STAM2: variants seen among roughly 807,000 people sequenced by gnomAD.
STAM2 encodes the protein signal transducing adapter molecule 2.
In STAM2, 51 loss-of-function variants were observed where a neutral mutation model predicts 65.6. The observed-to-expected ratio is 0.78, with a 90% confidence interval of 0.62 to 0.98. The LOEUF is 0.98. Ranked by LOEUF, STAM2 falls within the 50% of genes least tolerant of loss-of-function variation. The pLI is 0.00. For synonymous variants in STAM2, 198 were observed against 208.4 expected (o/e 0.95, Z 0.43); for missense variants, 584 against 617.8 (o/e 0.95, Z 0.58).
chr2:152,162,423 T>A (rs900601446), intron 1 of STAM2, among the ~76,000 whole-genome samples: 1 of 151,098 alleles, frequency 6.6e-6, no homozygotes, highest in Non-Finnish European at 1.5e-5. Flanking sequence ...AAAAAAAAAA[T>A]TGAAATAGTA....
chr2:152,122,541 CA>C (rs572508394), intron 13 of STAM2, among the ~76,000 whole-genome samples: 138 of 152,090 alleles, frequency 9.1e-4, no homozygotes, highest in African/African-American at 1.6e-3. Flanking sequence ...CTAGTGTTAC[CA>C]AACATAGCAA....
chr2:152,165,548 T>G (rs1165029042), intron 1 of STAM2, among the ~76,000 whole-genome samples: 1 of 152,168 alleles, frequency 6.6e-6, no homozygotes, highest in African/African-American at 2.4e-5. Context: ...AAAACCATTA[T>G]GCACACTCCG....
intron 7 of STAM2, among the ~76,000 whole-genome samples, chr2:152,140,361 A>C (rs1398234066): frequency 6.6e-6 from 1 of 152,270 alleles, no homozygotes; most frequent in Non-Finnish European, 1.5e-5. Flanking sequence ...ACTCTGAGAT[A>C]AAACAAAAAA....
chr2:152,141,576 TG>T (rs1307377080), intron 7 of STAM2, among the ~76,000 whole-genome samples: 1 of 151,124 alleles, frequency 6.6e-6, no homozygotes, highest in Non-Finnish European at 1.5e-5. Context: ...ATCAGCTCAA[TG>T]TTTTTTTGTT....
At position 152,126,300 on chromosome 2, in the gene STAM2, G is replaced by A. The variant is rs139681962; in HGVS notation, c.1105C>T (p.Pro369Ser). ...AGCTTTGAATAGACTGAGTACACTG[G>A]TGCTTCATTCACCAATTTGTTATAT... The part of the protein sequence containing the change: ...ELYNKLVNEA[P>S]VYSVYSKLHP... The change falls in exon 12 of 14, where the codon CCA becomes TCA. Residue 369 changes from proline to serine, a missense_variant. Pro to Ser is a moderately conservative substitution (Grantham distance 74). Transcript: ENST00000263904. The A allele has an allele frequency of 4.7e-5, 76 of 1,608,270 alleles. No individual in the cohort carries two copies. The African/African-American group carries it at 8.6e-4, about 18-fold the overall frequency.
intron 1 of STAM2, among the ~76,000 whole-genome samples, chr2:152,171,652 G>C (rs1689900710): frequency 6.6e-6 from 1 of 152,208 alleles, no homozygotes; most frequent in Non-Finnish European, 1.5e-5. Flanking sequence ...GCAAAAGTCA[G>C]AAACACAGCA....
rs1690008782 is a variant in STAM2, at chr2:152,175,718, C to T, written c.-76G>A. 4 of 1,506,966 alleles carry T rather than the reference C, an allele frequency of 2.7e-6. No homozygotes were observed. In the African/African-American group the frequency reaches 4.1e-5, roughly 16 times the overall value. 93.3% of individuals were successfully genotyped at this position (1,506,966 alleles called of 1,614,324 possible). A position where few individuals can be genotyped will look rare whatever the true frequency, so the allele number is the denominator to read the frequency against. On this transcript the variant is annotated 5_prime_UTR_variant, in exon 1 of 14. Transcript: ENST00000263904. ...CTGCTACCCGCCGGGTGACCCGCGG[C>T]CGCGGCTCCCTAGACCGCTCCGCTT...
At chr2:152,142,145 A>G (rs955539684) in intron 7 of STAM2, among the ~76,000 whole-genome samples, 1 of 152,218 alleles carries the variant, frequency 6.6e-6, no homozygotes, top group Non-Finnish European at 1.5e-5. Context: ...CAGCAACTAT[A>G]AAAGTAGGGT....
At chr2:152,132,382 G>A (rs1378940413) in intron 10 of STAM2, among the ~76,000 whole-genome samples, 1 of 152,118 alleles carries the variant, frequency 6.6e-6, no homozygotes, top group Non-Finnish European at 1.5e-5. Context: ...ACCTCATTAT[G>A]TTTTCTTGAA....
rs761285376 is a variant in STAM2 at position 152,122,072 on chromosome 2, ATATATGTG to A, written c.1350-1278_1350-1271del. Among the ~76,000 whole-genome samples, 281 of 108,290 alleles carry A rather than the reference ATATATGTG, an allele frequency of 2.6e-3. 3 individuals are homozygous for A. The highest frequency in any genetic ancestry group is 7.4e-3 in the South Asian group (28 of 3,786). The allele number at this position is 108,290 out of a possible 152,430, so 71.0% of individuals were successfully genotyped here. On this transcript the variant is annotated intron_variant, in intron 13 of 13. Transcript: ENST00000263904. ...CCAAAAAAAAAATATATATATATAT[ATATATGTG>A]TGTGTGTGTGTGTGTGTGTGTGTGT...
intron 5 of STAM2, among the ~76,000 whole-genome samples, chr2:152,146,170 C>T (rs940894472): frequency 2.0e-5 from 3 of 148,250 alleles, no homozygotes; most frequent in Admixed American, 7.0e-5. Flanking sequence ...ACTCTAAAGG[C>T]GGAGGCAGGA....
chr2:152,118,016 TC>T lies in STAM2; in HGVS notation c.*2557del, dbSNP rs878931792. 3 of 152,248 alleles carry T rather than the reference TC, an allele frequency of 2.0e-5. No individual in the cohort carries two copies. The South Asian group carries it at 6.2e-4, about 32-fold the overall frequency. 9.4% of individuals were successfully genotyped at this position (152,248 alleles called of 1,614,324 possible). On this transcript the variant is annotated 3_prime_UTR_variant, in exon 14 of 14. Transcript: ENST00000263904. ...AAACTATAAGAATATATCCCACACT[TC>T]ATATATTTTAACACCCTGGGGTATT...
At chr2:152,128,417 TA>T (rs201586468) in intron 11 of STAM2, among the ~76,000 whole-genome samples, 829 of 138,812 alleles carry the variant, frequency 6.0e-3, no homozygotes, top group African/African-American at 0.012. Context: ...TGTCTCAAAT[TA>T]AAAAAAAAAA....
chr2:152,152,408 G>T (rs1023744314), intron 1 of STAM2, among the ~76,000 whole-genome samples: 1 of 152,038 alleles, frequency 6.6e-6, no homozygotes, highest in Non-Finnish European at 1.5e-5. Flanking sequence ...AATTACCCGG[G>T]TGTGGTGGCA....
At chr2:152,171,152 G>C (rs543410555) in intron 1 of STAM2, among the ~76,000 whole-genome samples, 1 of 151,958 alleles carries the variant, frequency 6.6e-6, no homozygotes, top group Non-Finnish European at 1.5e-5. Context: ...TGTTTAACTC[G>C]GAGAAAGGAG....
At chr2:152,172,639 C>A (rs957722980) in intron 1 of STAM2, among the ~76,000 whole-genome samples, 7 of 151,904 alleles carry the variant, frequency 4.6e-5, no homozygotes, top group Non-Finnish European at 7.4e-5. Flanking sequence ...GAGGCCGAGG[C>A]GGGCAGATCA....
rs144676453 is a variant in STAM2, at chr2:152,120,254, T to A, written c.*320A>T. 4.6e-3 allele frequency: 957 copies of A among 209,544 alleles called. 13 individuals carry two copies. Among genetic ancestry groups the A allele is most frequent in the African/African-American group, 0.028 (905 of 32,860 alleles). 13.0% of individuals were successfully genotyped at this position (209,544 alleles called of 1,614,324 possible). Reference sequence around the variant, plus strand: ...CCTGGGTGACAGAGCGAGTTTGTCATAAGTATCTCATACTGTTTGTCATAA... The same window carrying A: ...CCTGGGTGACAGAGCGAGTTTGTCAAAAGTATCTCATACTGTTTGTCATAA... On this transcript the variant is annotated 3_prime_UTR_variant, in exon 14 of 14. Transcript: ENST00000263904.
At chr2:152,166,842 T>A (rs1247733690) in intron 1 of STAM2, among the ~76,000 whole-genome samples, 1 of 152,110 alleles carries the variant, frequency 6.6e-6, no homozygotes, top group Non-Finnish European at 1.5e-5. Context: ...CTGCTCCAGA[T>A]AAGAATAAAA....
chr2:152,159,688 G>T (rs978674679), intron 1 of STAM2, among the ~76,000 whole-genome samples: 45 of 152,170 alleles, frequency 3.0e-4, no homozygotes, highest in African/African-American at 1.0e-3. Context: ...AGTTTTCCTC[G>T]TTTTTAAAAG....
Sources: gnomAD v4.1 joint callset for allele counts (sites outside exome capture counted in the v4.1 genomes callset) on GRCh38, gnomAD v4.1.1 for gene constraint, MANE v1.5 for transcripts, NCBI Gene and HGNC (gene_info 2026-07-23, HGNC 2026-07-21) for gene names.